Variants in CSMD1 observed in about 807,000 individuals in gnomAD.
The protein encoded by CSMD1 is CUB and Sushi multiple domains 1.
CSMD1 carries 213 observed loss-of-function variants against 417.5 expected under a neutral mutation model. That is an observed-to-expected ratio of 0.51 (90% CI 0.46 to 0.57). The LOEUF is 0.57. Ranked by LOEUF, CSMD1 falls within the 20% of genes least tolerant of loss-of-function variation. The pLI, the probability that CSMD1 is intolerant of heterozygous loss-of-function variation, is 0.00. For missense variants in CSMD1, 6,923 were observed against 4,529.7 expected, an observed-to-expected ratio of 1.53 and a Z score of -15.17; for synonymous variants, 2,862 against 1,736.8, an observed-to-expected ratio of 1.65 and a Z score of -16.11.
At chr8:4,209,376 C>A (rs1022603848) in intron 3 of CSMD1, among the ~76,000 whole-genome samples, 1 of 152,168 alleles carries the variant, frequency 6.6e-6, no homozygotes, top group African/African-American at 2.4e-5. Flanking sequence ...AGATTCCCAT[C>A]CTTCTGATGC....
At chr8:4,021,411 T>C (rs568622698) in intron 4 of CSMD1, among the ~76,000 whole-genome samples, 20 of 152,312 alleles carry the variant, frequency 1.3e-4, no homozygotes, top group Admixed American at 1.1e-3. Context: ...ATGGATTGTG[T>C]TATATGTTGA....
intron 2 of CSMD1, among the ~76,000 whole-genome samples, chr8:4,524,293 T>G (rs1456591295): frequency 1.3e-5 from 2 of 150,628 alleles, no homozygotes; most frequent in Non-Finnish European, 1.5e-5. Flanking sequence ...GACAAATATG[T>G]GTTAACAACC....
intron 10 of CSMD1, among the ~76,000 whole-genome samples, chr8:3,534,051 G>T (rs1233616613): frequency 6.6e-6 from 1 of 152,150 alleles, no homozygotes; most frequent in African/African-American, 2.4e-5. Flanking sequence ...ATTGCTTGAA[G>T]TTACTAGTTT....
In CSMD1 at chr8:3,346,506, C is replaced by G. The variant is rs141305608; in HGVS notation, c.3474+1486G>C. 4.5e-3 allele frequency among the ~76,000 whole-genome samples: 685 copies of G among 152,310 alleles called. 5 individuals carry two copies. Among genetic ancestry groups the G allele is most frequent in the African/African-American group, 0.016 (645 of 41,562 alleles). ...CACTTCTTCATGACAGTCCCTCATA[C>G]TGCCAGTGTGAGATTTCAAAAGACT... On this transcript the variant is annotated intron_variant, in intron 22 of 69. Transcript: ENST00000635120.
At chr8:4,946,265 G>C (rs1808364652) in intron 1 of CSMD1, among the ~76,000 whole-genome samples, 1 of 152,196 alleles carries the variant, frequency 6.6e-6, no homozygotes, top group Non-Finnish European at 1.5e-5. Flanking sequence ...TTTTGGTCTT[G>C]TGAGATGAAG....
At chr8:3,959,867 A>G (rs1366937761) in intron 5 of CSMD1, among the ~76,000 whole-genome samples, 1 of 152,256 alleles carries the variant, frequency 6.6e-6, no homozygotes, top group Non-Finnish European at 1.5e-5. Flanking sequence ...TGTGAGGTAT[A>G]TAACGTGTGA....
intron 2 of CSMD1, among the ~76,000 whole-genome samples, chr8:4,457,325 G>C (rs939208805): frequency 3.3e-5 from 5 of 152,066 alleles, no homozygotes; most frequent in African/African-American, 9.7e-5. Flanking sequence ...AATTTGTAGA[G>C]TGCTTGGGAC....
chr8:3,920,594 T>A (rs959763670), intron 5 of CSMD1, among the ~76,000 whole-genome samples: 1 of 152,158 alleles, frequency 6.6e-6, no homozygotes, highest in Non-Finnish European at 1.5e-5. Flanking sequence ...TTCATCATTA[T>A]GTACATTAGT....
chr8:4,514,014 G>A (rs901055085), intron 2 of CSMD1, among the ~76,000 whole-genome samples: 24 of 152,128 alleles, frequency 1.6e-4, no homozygotes, highest in African/African-American at 5.6e-4. Context: ...GTGTTAGTCA[G>A]CTCAGACTGC....
chr8:3,686,486 G>A (rs1408612846), intron 7 of CSMD1, among the ~76,000 whole-genome samples: 1 of 151,994 alleles, frequency 6.6e-6, no homozygotes, highest in East Asian at 1.9e-4. Flanking sequence ...TTAAATTAAA[G>A]ACGCTTAAAA....
intron 5 of CSMD1, among the ~76,000 whole-genome samples, chr8:3,981,359 G>C (rs575871475): frequency 6.6e-6 from 1 of 152,074 alleles, no homozygotes; most frequent in South Asian, 2.1e-4. Context: ...AGTGGAAGGG[G>C]GGTGAAGGAT....
At chr8:4,747,654 A>C (rs11136764) in intron 1 of CSMD1, among the ~76,000 whole-genome samples, 49,343 of 152,028 alleles carry the variant, frequency 0.32, 9,110 homozygotes, top group Admixed American at 0.49. Flanking sequence ...CTTTATACTC[A>C]GTTGTTGATT....
At chr8:3,297,818 T>G (rs1370768771) in intron 25 of CSMD1, among the ~76,000 whole-genome samples, 3 of 152,108 alleles carry the variant, frequency 2.0e-5, no homozygotes, top group Non-Finnish European at 4.4e-5. Flanking sequence ...CATTTAAATA[T>G]AGTTTAAAAA....
intron 3 of CSMD1, among the ~76,000 whole-genome samples, chr8:4,088,052 C>A (rs763811640): frequency 6.6e-6 from 1 of 152,092 alleles, no homozygotes; most frequent in Non-Finnish European, 1.5e-5. Flanking sequence ...AGCACCATGA[C>A]CTTTGACAAT....
intron 37 of CSMD1, among the ~76,000 whole-genome samples, chr8:3,168,765 G>A (rs886471665): frequency 1.3e-5 from 2 of 152,068 alleles, no homozygotes; most frequent in Non-Finnish European, 2.9e-5. Flanking sequence ...AAAAGATTTT[G>A]TCTCATCTGT....
intron 1 of CSMD1, among the ~76,000 whole-genome samples, chr8:4,725,650 G>C (rs983041386): frequency 2.0e-5 from 3 of 152,124 alleles, no homozygotes; most frequent in African/African-American, 7.2e-5. Context: ...CATCCTTTCA[G>C]AATCTGCATT....
chr8:3,503,944 G>C (rs1198590598), intron 10 of CSMD1, among the ~76,000 whole-genome samples: 1 of 152,000 alleles, frequency 6.6e-6, no homozygotes, highest in Non-Finnish European at 1.5e-5. Context: ...ATGGAGGCGG[G>C]GGTTAGGGCG....
At chr8:4,694,361 T>A (rs1180327215) in intron 1 of CSMD1, among the ~76,000 whole-genome samples, 1 of 152,132 alleles carries the variant, frequency 6.6e-6, no homozygotes, top group African/African-American at 2.4e-5. Flanking sequence ...TTATTTTTTT[T>A]ATTTTTTTGA....
At chr8:3,175,074 AT>A (rs1820821103) in intron 37 of CSMD1, among the ~76,000 whole-genome samples, 1 of 152,198 alleles carries the variant, frequency 6.6e-6, no homozygotes, top group African/African-American at 2.4e-5. Context: ...TTATCTACAT[AT>A]GTTAATAATT....
Sources: allele counts gnomAD v4.1 joint callset (sites outside exome capture counted in the v4.1 genomes callset), GRCh38; gene constraint gnomAD v4.1.1; transcripts MANE v1.5; gene names NCBI Gene and HGNC (gene_info 2026-07-23, HGNC 2026-07-21).